Variants in IFI27L1 observed in about 807,000 individuals in gnomAD.
IFI27L1 encodes the protein interferon alpha-inducible protein 27-like protein 1.
Under a neutral mutation model 9.2 loss-of-function variants are expected in IFI27L1, and 3 were observed. The observed-to-expected ratio is 0.32, with a 90% CI of 0.15 to 0.84. IFI27L1 has a LOEUF of 0.84. Among genes scored for constraint, IFI27L1 ranks in the 40% least tolerant of loss-of-function variants. IFI27L1 has a pLI of 0.56. For synonymous variants in IFI27L1, 53 were observed against 50.0 expected (o/e 1.06, Z -0.26); for missense variants, 133 against 134.2 (o/e 0.99, Z 0.05).
chr14:94,099,018 A>ACT, intron 2 of IFI27L1, among the ~76,000 whole-genome samples: 2 of 152,180 alleles, frequency 1.3e-5, no homozygotes, highest in Non-Finnish European at 2.9e-5. Flanking sequence ...CTAAGGAGCA[A>ACT]AGCAAAGTGA....
intron 1 of IFI27L1, chr14:94,088,430 G>C: frequency 1.5e-6 from 1 of 685,616 alleles, no homozygotes; most frequent in Non-Finnish European, 2.7e-6. Flanking sequence ...TTAGGGTGGA[G>C]CCACATTCTG....
intron 1 of IFI27L1, chr14:94,094,950 A>T (rs1886613313): frequency 6.6e-6 from 1 of 152,208 alleles, no homozygotes; most frequent in African/African-American, 2.4e-5. Context: ...ATGGGTTAGA[A>T]GTCCAACTTA....
At chr14:94,097,396 G>T in intron 2 of IFI27L1, 1 of 576,476 alleles carries the variant, frequency 1.7e-6, no homozygotes, top group East Asian at 2.9e-5. Context: ...TCTTTTCATA[G>T]GCATGTGTGC....
In IFI27L1 at chr14:94,091,973, AAAAT is replaced by A. The variant is rs1886491549; in HGVS notation, c.-51-4913_-51-4910del. Reference sequence around the variant, plus strand: ...ACCCTGTCTCTACTAAAAATACAAAAAAATTAGCCACGCATGGTGGCGGGTGCCT... The same window carrying A: ...ACCCTGTCTCTACTAAAAATACAAAATAGCCACGCATGGTGGCGGGTGCCT... On this transcript the variant is annotated intron_variant, in intron 1 of 4. Coordinates refer to ENST00000555523, the MANE Select transcript of IFI27L1 (RefSeq NM_206949.3). 1.1e-4 allele frequency among the ~76,000 whole-genome samples: 16 copies of A among 151,924 alleles called. No individual in the cohort carries two copies. The East Asian group carries it at 3.1e-3, about 30-fold the overall frequency.
chr14:94,097,198 G>A (rs1288715322), intron 2 of IFI27L1, among the ~76,000 whole-genome samples: 2 of 152,214 alleles, frequency 1.3e-5, no homozygotes, highest in Non-Finnish European at 1.5e-5. Flanking sequence ...GAAGACAAAG[G>A]TTTTTAAAAG....
chr14:94,102,441 C>T (rs372274737), intron 4 of IFI27L1, 36 bp from the exon 5 acceptor site: 685 of 1,385,280 alleles, frequency 4.9e-4, no homozygotes, highest in Middle Eastern at 1.3e-3. Flanking sequence ...TGCTACCCCT[C>T]CCTGTGCCCT....
At chr14:94,089,465 C>T (rs1034138776) in intron 1 of IFI27L1, among the ~76,000 whole-genome samples, 1 of 152,142 alleles carries the variant, frequency 6.6e-6, no homozygotes, top group Non-Finnish European at 1.5e-5. Context: ...CATGCTAATG[C>T]ATTATAATTA....
intron 2 of IFI27L1, among the ~76,000 whole-genome samples, chr14:94,099,760 A>G (rs1194829734): frequency 2.0e-5 from 3 of 152,224 alleles, no homozygotes; most frequent in Non-Finnish European, 4.4e-5. Flanking sequence ...TGTTAGAGTC[A>G]GAAAACTGGA....
intron 1 of IFI27L1, among the ~76,000 whole-genome samples, chr14:94,094,017 A>G (rs1269384603): frequency 6.6e-6 from 1 of 152,096 alleles, no homozygotes; most frequent in East Asian, 1.9e-4. Flanking sequence ...TGTCCTGGAA[A>G]TGAGGCTGTG....
rs1886918995 is a variant in IFI27L1 at position 94,101,980 on chromosome 14, GTGT to G, written c.223+7_223+9del. On this transcript the variant is annotated splice_donor_region_variant and intron_variant, in intron 4 of 4. Coordinates refer to ENST00000555523, the MANE Select transcript of IFI27L1 (RefSeq NM_206949.3). The stretch of plus-strand genomic sequence containing the variant: ...TGGCTATTCTGCAGTCAGTGGGTGA[GTGT>G]TCTGGACAGGATGACCAGAGCCAGG... The G allele has an allele frequency of 5.6e-6, 9 of 1,614,138 alleles. No homozygotes were observed. Among genetic ancestry groups the G allele is most frequent in the Admixed American group, 3.3e-5 (2 of 60,014 alleles).
intron 2 of IFI27L1, among the ~76,000 whole-genome samples, chr14:94,098,021 A>G (rs546948611): frequency 5.5e-4 from 84 of 152,336 alleles, no homozygotes; most frequent in Non-Finnish European, 1.1e-3. Context: ...GGACACACCC[A>G]CACTGCACTG....
chr14:94,083,914 A>C (rs1315208602), intron 1 of IFI27L1, among the ~76,000 whole-genome samples: 1 of 152,116 alleles, frequency 6.6e-6, no homozygotes, highest in Non-Finnish European at 1.5e-5. Flanking sequence ...ACATAGCAAG[A>C]CATCATCTTT....
intron 1 of IFI27L1, among the ~76,000 whole-genome samples, chr14:94,086,955 C>A (rs1411788577): frequency 1.3e-5 from 2 of 152,082 alleles, no homozygotes; most frequent in East Asian, 3.8e-4. Context: ...GAGAGAAGCC[C>A]TCTAAAAGAA....
chr14:94,093,771 G>C (rs956102558), intron 1 of IFI27L1, among the ~76,000 whole-genome samples: 4 of 152,082 alleles, frequency 2.6e-5, no homozygotes, highest in Non-Finnish European at 5.9e-5. Flanking sequence ...GCATTTGCTT[G>C]TTTCTGTCCT....
intron 3 of IFI27L1, 59 bp downstream of exon 3, chr14:94,100,830 C>A: frequency 6.3e-7 from 1 of 1,587,420 alleles, no homozygotes. Context: ...CAGCCCTGAG[C>A]CTCTGGGAGA....
At chr14:94,102,445 G>C in intron 4 of IFI27L1, 32 bp from the exon 5 acceptor site, 1 of 1,420,002 alleles carries the variant, frequency 7.0e-7, no homozygotes, top group African/African-American at 1.4e-5. Context: ...ACCCCTCCCT[G>C]TGCCCTGTGC....
chr14:94,094,409 G>A (rs1352625459), intron 1 of IFI27L1, among the ~76,000 whole-genome samples: 1 of 152,082 alleles, frequency 6.6e-6, no homozygotes, highest in Admixed American at 6.5e-5. Flanking sequence ...TTGCTGCAAC[G>A]GGTGGGTCTT....
At chr14:94,102,455 C>G (rs746527941) in intron 4 of IFI27L1, 22 bp from the exon 5 acceptor site, 1 of 1,512,718 alleles carries the variant, frequency 6.6e-7, no homozygotes, top group Non-Finnish European at 9.0e-7. Context: ...GTGCCCTGTG[C>G]TCACCCTCTC....
At chr14:94,081,521 T>C (rs1886105358) in intron 1 of IFI27L1, 72 bp downstream of exon 1, 1 of 152,770 alleles carries the variant, frequency 6.5e-6, no homozygotes, top group Admixed American at 6.5e-5. Flanking sequence ...CAAGAGAGGG[T>C]TCTTGGATCT....
Sources: allele counts gnomAD v4.1 joint callset (sites outside exome capture counted in the v4.1 genomes callset), GRCh38; gene constraint gnomAD v4.1.1; transcripts MANE v1.5; gene names NCBI Gene and HGNC (gene_info 2026-07-23, HGNC 2026-07-21).